The following SYT15B variants were observed in gnomAD, a reference collection of about 807,000 sequenced individuals.
SYT15B encodes the protein synaptotagmin 15B.
the SYT15B span, among the ~76,000 whole-genome samples, chr10:47,755,555 C>CTTTTTT: frequency 1.9e-4 from 16 of 82,984 alleles, no homozygotes; most frequent in East Asian, 1.2e-3. Flanking sequence ...GTGCCCGGCC[C>CTTTTTT]TTTTTTTTTT....
the SYT15B span, among the ~76,000 whole-genome samples, chr10:47,747,726 A>AG: frequency 6.7e-6 from 1 of 149,672 alleles, no homozygotes; most frequent in African/African-American, 2.5e-5. Flanking sequence ...AACAGGAAGG[A>AG]GGGGAAAACA....
At chr10:47,749,605 G>GA in the SYT15B span, among the ~76,000 whole-genome samples, 1 of 150,338 alleles carries the variant, frequency 6.7e-6, no homozygotes, top group Non-Finnish European at 1.5e-5. Flanking sequence ...ATAATGTACA[G>GA]AAGTTGTAAT....
the SYT15B span, among the ~76,000 whole-genome samples, chr10:47,746,670 C>T: frequency 1.4e-5 from 2 of 141,888 alleles, no homozygotes; most frequent in African/African-American, 5.1e-5. Context: ...AAGAGTGAAA[C>T]CCTAAAAAAA....
the SYT15B span, among the ~76,000 whole-genome samples, chr10:47,747,002 A>C: frequency 7.7e-5 from 10 of 130,648 alleles, no homozygotes; most frequent in African/African-American, 2.9e-4. Flanking sequence ...GAAAGGCTGA[A>C]TAAAACACAG....
chr10:47,762,216 C>G, the SYT15B span, among the ~76,000 whole-genome samples: 8 of 151,938 alleles, frequency 5.3e-5, no homozygotes, highest in African/African-American at 1.7e-4. Flanking sequence ...ACGCGGTGGA[C>G]GAGGTGGGGA....
chr10:47,761,102 G>GCGCACACA, the SYT15B span, among the ~76,000 whole-genome samples: 1 of 145,492 alleles, frequency 6.9e-6, no homozygotes, highest in African/African-American at 2.6e-5. Flanking sequence ...ACACACACAC[G>GCGCACACA]CACACACACA....
chr10:47,749,665 C>T, the SYT15B span, among the ~76,000 whole-genome samples: 1 of 148,400 alleles, frequency 6.7e-6, no homozygotes, highest in African/African-American at 2.5e-5. Flanking sequence ...TAAGTAAAAC[C>T]AATGGTAGGG....
the SYT15B span, among the ~76,000 whole-genome samples, chr10:47,748,204 CT>C: frequency 8.7e-5 from 13 of 148,656 alleles, no homozygotes; most frequent in Non-Finnish European, 1.2e-4. Flanking sequence ...GCACACTATA[CT>C]TTTTTTTTAT....
the SYT15B span, among the ~76,000 whole-genome samples, chr10:47,756,936 CG>C: frequency 7.1e-6 from 1 of 140,242 alleles, no homozygotes; most frequent in Admixed American, 7.1e-5. Flanking sequence ...GACGCTGCCT[CG>C]GGAAACAGGA....
chr10:47,745,417 C>CAT, the SYT15B span, among the ~76,000 whole-genome samples: 1 of 150,176 alleles, frequency 6.7e-6, no homozygotes, highest in Non-Finnish European at 1.5e-5. Flanking sequence ...ATGTGAGGCA[C>CAT]TCAGATGAGA....
chr10:47,755,507 G>A, the SYT15B span, among the ~76,000 whole-genome samples: 203 of 150,528 alleles, frequency 1.3e-3, 4 homozygotes, highest in Middle Eastern at 3.5e-3. Context: ...TGCCTACCTC[G>A]GCCTCCCAAA....
the SYT15B span, among the ~76,000 whole-genome samples, chr10:47,755,532 G>C: frequency 6.7e-6 from 1 of 149,868 alleles, no homozygotes; most frequent in African/African-American, 2.5e-5. Context: ...TGGGATTACA[G>C]GTGTGAGCCA....
the SYT15B span, chr10:47,750,862 G>GTACA: frequency 2.0e-5 from 3 of 151,846 alleles, no homozygotes; most frequent in African/African-American, 7.3e-5. Context: ...ACACAAAAGT[G>GTACA]TACACACCCT....
At chr10:47,744,914 C>T in the SYT15B span, among the ~76,000 whole-genome samples, 1 of 151,944 alleles carries the variant, frequency 6.6e-6, no homozygotes, top group East Asian at 1.9e-4. Flanking sequence ...TAAAAATAGG[C>T]TCTGTTCAGC....
At chr10:47,744,933 T>C in the SYT15B span, among the ~76,000 whole-genome samples, 4 of 151,986 alleles carry the variant, frequency 2.6e-5, no homozygotes, top group Admixed American at 2.6e-4. Context: ...GCATTTAAAA[T>C]GTCCAATCCC....
the SYT15B span, chr10:47,753,022 C>A: frequency 7.1e-6 from 1 of 141,678 alleles, no homozygotes; most frequent in Non-Finnish European, 1.5e-5. Context: ...GCAGGAGAAT[C>A]GCTTGAACCT....
chr10:47,747,026 A>G, the SYT15B span, among the ~76,000 whole-genome samples: 1 of 134,324 alleles, frequency 7.4e-6, no homozygotes, highest in African/African-American at 2.8e-5. Context: ...ACTTTTTTAA[A>G]AAGTTTTTGG....
the SYT15B span, among the ~76,000 whole-genome samples, chr10:47,761,094 A>G: frequency 1.4e-5 from 1 of 71,194 alleles, no homozygotes; most frequent in Non-Finnish European, 3.2e-5. Context: ...CAACACACAC[A>G]CACACACGCA....
chr10:47,744,943 C>T, the SYT15B span, among the ~76,000 whole-genome samples: 1 of 151,928 alleles, frequency 6.6e-6, no homozygotes, highest in Non-Finnish European at 1.5e-5. Context: ...TGTCCAATCC[C>T]ATGTAGGAGT....
Sources: gnomAD v4.1 joint callset for allele counts (sites outside exome capture counted in the v4.1 genomes callset) on GRCh38, gnomAD v4.1.1 for gene constraint, MANE v1.5 for transcripts, NCBI Gene and HGNC (gene_info 2026-07-23, HGNC 2026-07-21) for gene names.